The following RBPMS variants were observed in gnomAD, a reference collection of about 807,000 sequenced individuals.
RBPMS encodes RNA-binding protein with multiple splicing.
A neutral mutation model predicts 26.8 loss-of-function variants in RBPMS; 7 were observed. The observed-to-expected ratio is 0.26, with a 90% CI of 0.15 to 0.49. RBPMS has a LOEUF of 0.49. Among genes scored for constraint, RBPMS ranks in the 20% least tolerant of loss-of-function variants. The pLI is 0.98. For missense variants in RBPMS, 186 were observed against 250.0 expected (o/e 0.74, Z 1.73); for synonymous variants, 96 against 93.3 (o/e 1.03, Z -0.17).
chr8:30,410,356 G>A (rs901516106), intron 1 of RBPMS, among the ~76,000 whole-genome samples: 1 of 151,892 alleles, frequency 6.6e-6, no homozygotes, highest in South Asian at 2.1e-4. Context: ...CTACAGGCAC[G>A]TGCCAACATG....
intron 5 of RBPMS, among the ~76,000 whole-genome samples, chr8:30,535,475 C>G (rs935284016): frequency 6.6e-6 from 1 of 152,042 alleles, no homozygotes; most frequent in Non-Finnish European, 1.5e-5. Flanking sequence ...TGCTCCATGC[C>G]TTGATGAAGA....
At chr8:30,561,998 G>A (rs773113546) in intron 7 of RBPMS, 66 of 985,182 alleles carry the variant, frequency 6.7e-5, no homozygotes, top group Non-Finnish European at 7.5e-5. Flanking sequence ...TTGGAAGTAC[G>A]GCTAATAGAA....
chr8:30,569,010 G>A (rs371420707), intron 8 of RBPMS, among the ~76,000 whole-genome samples: 3 of 151,674 alleles, frequency 2.0e-5, no homozygotes, highest in East Asian at 1.9e-4. Flanking sequence ...CAGCCATTCC[G>A]CCTGCTCAGG....
chr8:30,466,067 A>G (rs1017663410), intron 1 of RBPMS, among the ~76,000 whole-genome samples: 1 of 152,160 alleles, frequency 6.6e-6, no homozygotes. Context: ...TCACCTTGGC[A>G]AAGGGACCCT....
intron 1 of RBPMS, chr8:30,387,376 C>T (rs532425502): frequency 1.3e-5 from 2 of 152,260 alleles, no homozygotes; most frequent in African/African-American, 4.8e-5. Flanking sequence ...TCTTGAAAAA[C>T]TCTTAACCTC....
chr8:30,535,290 A>T (rs1285734237), intron 5 of RBPMS, among the ~76,000 whole-genome samples: 2 of 152,224 alleles, frequency 1.3e-5, no homozygotes, highest in African/African-American at 4.8e-5. Flanking sequence ...TTTCTTGAAT[A>T]TGTTCTGTGT....
chr8:30,479,760 G>T (rs1818080799), intron 4 of RBPMS, among the ~76,000 whole-genome samples: 1 of 151,682 alleles, frequency 6.6e-6, no homozygotes, highest in African/African-American at 2.4e-5. Flanking sequence ...AGAATAGATT[G>T]AAATCCTGGC....
At chr8:30,446,839 GTGTGC>G (rs1813878435) in intron 1 of RBPMS, 1 of 74,474 alleles carries the variant, frequency 1.3e-5, no homozygotes, top group Non-Finnish European at 2.5e-5. Flanking sequence ...GTGTGTGTGT[GTGTGC>G]GCGCGCGCGC....
At chr8:30,522,782 T>TA (rs1196218474) in intron 5 of RBPMS, among the ~76,000 whole-genome samples, 1 of 152,168 alleles carries the variant, frequency 6.6e-6, no homozygotes, top group Non-Finnish European at 1.5e-5. Context: ...AATAAATACT[T>TA]ATGTTTCTGA....
At chr8:30,549,813 T>TCCCCCCTCTCTC (rs1455016832) in intron 6 of RBPMS, among the ~76,000 whole-genome samples, 3 of 130,658 alleles carry the variant, frequency 2.3e-5, no homozygotes, top group Non-Finnish European at 4.9e-5. Context: ...CTCCTCTCTC[T>TCCCCCCTCTCTC]CTCTCTCTCT....
At chr8:30,481,234 G>T (rs1428158867) in intron 4 of RBPMS, among the ~76,000 whole-genome samples, 3 of 152,202 alleles carry the variant, frequency 2.0e-5, no homozygotes, top group Non-Finnish European at 4.4e-5. Context: ...CCAGAGTGTT[G>T]AGATTACAAG....
At chr8:30,426,705 T>C (rs1811395370) in intron 1 of RBPMS, among the ~76,000 whole-genome samples, 1 of 151,018 alleles carries the variant, frequency 6.6e-6, no homozygotes, top group Non-Finnish European at 1.5e-5. Context: ...TTGCTTACTA[T>C]GTCTTGGGGT....
chr8:30,427,157 A>G (rs1330407183), intron 1 of RBPMS, among the ~76,000 whole-genome samples: 2 of 152,140 alleles, frequency 1.3e-5, no homozygotes, highest in African/African-American at 4.8e-5. Flanking sequence ...TAATCGGTGA[A>G]TTCAGCTATT....
chr8:30,479,689 T>C (rs1194134107), intron 4 of RBPMS, among the ~76,000 whole-genome samples: 1 of 152,200 alleles, frequency 6.6e-6, no homozygotes, highest in Non-Finnish European at 1.5e-5. Context: ...GCTTTGTTTT[T>C]TCCAGAGGAG....
intron 5 of RBPMS, among the ~76,000 whole-genome samples, chr8:30,536,648 T>A (rs1256308409): frequency 2.0e-5 from 3 of 152,362 alleles, no homozygotes; most frequent in South Asian, 4.1e-4. Flanking sequence ...TTTTTATTTT[T>A]AAAAAATTAA....
intron 6 of RBPMS, 169 bp downstream of exon 6, chr8:30,544,793 G>A (rs747850838): frequency 1.3e-6 from 2 of 1,574,978 alleles, no homozygotes; most frequent in Non-Finnish European, 1.7e-6. Context: ...GACTGACGAG[G>A]ATCGTCTGAC....
At chr8:30,452,719 A>G (rs1042696510) in intron 1 of RBPMS, among the ~76,000 whole-genome samples, 1 of 152,258 alleles carries the variant, frequency 6.6e-6, no homozygotes, top group East Asian at 1.9e-4. Flanking sequence ...AGTATTCTCT[A>G]CTGCAGGGGA....
intron 1 of RBPMS, among the ~76,000 whole-genome samples, chr8:30,449,818 T>G (rs1196908348): frequency 6.6e-6 from 1 of 152,266 alleles, no homozygotes; most frequent in African/African-American, 2.4e-5. Context: ...TGATAGCCTC[T>G]TAGGCATTTT....
intron 4 of RBPMS, among the ~76,000 whole-genome samples, chr8:30,497,911 C>T (rs949434236): frequency 1.3e-5 from 2 of 151,802 alleles, no homozygotes; most frequent in Non-Finnish European, 2.9e-5. Flanking sequence ...CATGATCCAC[C>T]AAGCCCGGCC....
Sources: allele counts gnomAD v4.1 joint callset (sites outside exome capture counted in the v4.1 genomes callset), GRCh38; gene constraint gnomAD v4.1.1; transcripts MANE v1.5; gene names NCBI Gene and HGNC (gene_info 2026-07-23, HGNC 2026-07-21).